Variants in RP1L1 observed in about 807,000 individuals in gnomAD.
The protein encoded by RP1L1 is RP1 like 1, also known as retinitis pigmentosa 1-like 1 protein.
Under a neutral mutation model 15.7 loss-of-function variants are expected in RP1L1, and 27 were observed. The observed-to-expected ratio is 1.72, with a 90% CI of 1.27 to 2.38. RP1L1 has a LOEUF of 2.38. RP1L1 is among the 30% of genes most tolerant of loss of function. The probability of loss-of-function intolerance (pLI) is 0.00; values close to 1 mark genes in which losing one functional copy is unlikely to be tolerated. For synonymous variants in RP1L1, 1,813 were observed against 1,276.7 expected, an observed-to-expected ratio of 1.42 and a Z score of -8.96; for missense variants, 4,798 against 3,075.9, an observed-to-expected ratio of 1.56 and a Z score of -13.24.
At chr8:10,651,231 T>G (rs1798555442) in intron 1 of RP1L1, among the ~76,000 whole-genome samples, 1 of 152,158 alleles carries the variant, frequency 6.6e-6, no homozygotes, top group African/African-American at 2.4e-5. Flanking sequence ...GTCTTACAAA[T>G]GCAAATTACC....
At chr8:10,625,895 G>C (rs577839806) in intron 1 of RP1L1, among the ~76,000 whole-genome samples, 10 of 152,150 alleles carry the variant, frequency 6.6e-5, no homozygotes, top group Admixed American at 2.6e-4. Flanking sequence ...CAGTGCAGGT[G>C]GGGGGCAGGC....
At chr8:10,629,721 G>A (rs1798211803) in intron 1 of RP1L1, among the ~76,000 whole-genome samples, 1 of 152,046 alleles carries the variant, frequency 6.6e-6, no homozygotes, top group Non-Finnish European at 1.5e-5. Context: ...CTGGCATGGG[G>A]GCTCCATGGT....
In RP1L1 at chr8:10,611,510, G is replaced by A. The variant is rs752407355; in HGVS notation, c.2588C>T (p.Pro863Leu). 8 of 1,578,656 alleles carry A rather than the reference G, an allele frequency of 5.1e-6. No individual in the cohort carries two copies. Among genetic ancestry groups the A allele is most frequent in the Non-Finnish European group, 6.9e-6 (8 of 1,164,008 alleles). ...CCCACAGCTGGAAGAGCGCCTCTGG[G>A]GGCAGGGCCGCCCCCTGGGCGGGGT... is the stretch of plus-strand genomic sequence containing the variant. ...CPTPPRGRPC[P>L]QRRSSSCGST... Residue 863 changes from proline (P) to leucine (L), a missense_variant, in exon 4 of 4, where the codon CCC (proline) becomes CTC (leucine). Coordinates refer to ENST00000382483, the MANE Select transcript of RP1L1 (RefSeq NM_178857.6).
rs1298179320 is a variant in RP1L1 at position 10,609,932 on chromosome 8, G to A, written c.4166C>T (p.Ala1389Val). Residue 1389 changes from alanine to valine, a missense_variant, in exon 4 of 4, where the codon GCT becomes GTT. Ala to Val is a moderately conservative substitution (Grantham distance 64). Coordinates refer to ENST00000382483, the MANE Select transcript of RP1L1 (RefSeq NM_178857.6). ...TTCCTCTTTGAGACCCTCTTCAAGA[G>A]CCTCTCCTTGCAGTCCTCCTTCTGG... ...EGPEGGLQGE[A>V]LEEGLKEEGL... 1.9e-6 allele frequency: 3 copies of A among 1,588,756 alleles called. No individual in the cohort carries two copies. Among genetic ancestry groups the A allele is most frequent in the Admixed American group, 1.7e-5 (1 of 58,698 alleles).
At chr8:10,615,165 C>G (rs1007507411) in intron 3 of RP1L1, among the ~76,000 whole-genome samples, 1 of 152,158 alleles carries the variant, frequency 6.6e-6, no homozygotes, top group Admixed American at 6.5e-5. Flanking sequence ...GATCACCGAG[C>G]CTGTCCCTTG....
At chr8:10,634,518 T>C (rs956606206) in intron 1 of RP1L1, among the ~76,000 whole-genome samples, 4 of 152,140 alleles carry the variant, frequency 2.6e-5, no homozygotes, top group Non-Finnish European at 4.4e-5. Context: ...TCAGGTCTGG[T>C]GTTGCTGTGT....
chr8:10,610,913 C>A lies in RP1L1; in HGVS notation c.3185G>T (p.Arg1062Ile). The A allele has an allele frequency of 6.2e-7, 1 of 1,610,974 alleles. No individual in the cohort carries two copies. Among genetic ancestry groups the A allele is most frequent in the Non-Finnish European group, 8.5e-7 (1 of 1,179,234 alleles). ...SEAPAEAGAD[R>I]EAPAGCRVSL... is the part of the protein sequence containing the mutation. ...CACCCTGCAGCCTGCTGGGGCCTCT[C>A]TGTCTGCTCCGGCCTCTGCAGGGGC... The change falls in exon 4 of 4, where the codon AGA becomes ATA. Residue 1062 changes from arginine to isoleucine, a missense_variant. By Grantham distance (97) the Arg-to-Ile change is moderately conservative (BLOSUM62 -3). Transcript: ENST00000382483.
At chr8:10,616,378 T>A (rs1346907091) in intron 3 of RP1L1, 68 bp downstream of exon 3, 1 of 1,603,658 alleles carries the variant, frequency 6.2e-7, no homozygotes, top group African/African-American at 1.3e-5. Context: ...CTGGAAGGCT[T>A]TCCACTCAGC....
rs1266383268 is a variant in RP1L1 at position 10,611,908 on chromosome 8, C to G, written c.2190G>C (p.Gln730His). ...TGGCACTGCTGGTTCCCAGAAGGTC[C>G]TGGGAAGGAAGAGAGCCCGAGGAGG... ...RPPSSGSLPS[Q>H]DLLGTSSATV... The change falls in exon 4 of 4, where the codon CAG (glutamine) becomes CAC (histidine). Residue 730 changes from glutamine (Q) to histidine (H), a missense_variant. Physicochemically the swap from Gln to His is conservative, Grantham distance 24 (BLOSUM62 0). Coordinates refer to ENST00000382483, the MANE Select transcript of RP1L1 (RefSeq NM_178857.6). 5 of 1,613,746 alleles carry G rather than the reference C, an allele frequency of 3.1e-6. No individual in the cohort carries two copies. The Admixed American group carries it at 8.3e-5, about 27-fold the overall frequency.
At position 10,611,605 on chromosome 8, in the gene RP1L1, C is replaced by CGT; in HGVS notation, c.2491_2492dup (p.Gln832ArgfsTer98). The CGT allele has an allele frequency of 6.2e-7, 1 of 1,612,336 alleles. No homozygotes were observed. The highest frequency in any genetic ancestry group is 1.3e-5 in the African/African-American group (1 of 75,054). Reference sequence around the variant, plus strand: ...CCCGCTGGGCCTCTTGGGCCGGCTGCGTCCCAGGCTGTGAGCAGCAGTGGC... The same window carrying CGT: ...CCCGCTGGGCCTCTTGGGCCGGCTGCGTGTCCCAGGCTGTGAGCAGCAGTGGC... On this transcript the variant is annotated frameshift_variant, in exon 4 of 4. Coordinates refer to ENST00000382483, the MANE Select transcript of RP1L1 (RefSeq NM_178857.6). LOFTEE classifies it low-confidence loss of function (END_TRUNC).
chr8:10,613,953 T>C (rs75413818), intron 3 of RP1L1, among the ~76,000 whole-genome samples: 10,327 of 152,290 alleles, frequency 0.068, 493 homozygotes, highest in Non-Finnish European at 0.11. Context: ...GCAGAGCCTG[T>C]TTTCTGAACC....
rs201438192 is a variant in RP1L1, at chr8:10,607,822, C to T, written c.6276G>A (p.Gly2092=). Residue 2092 remains glycine (G), a synonymous_variant, in exon 4 of 4, where the codon GGG becomes GGA. Coordinates refer to ENST00000382483, the MANE Select transcript of RP1L1 (RefSeq NM_178857.6). ...CACCTTCTGATTCTGGCTGGGCCTC[C>T]CCTTCTGCCTCCTGGGCATCTACAT... ...SEDVDAQEAE[G]EAQPESEGVE... 6.5e-5 allele frequency: 104 copies of T among 1,592,410 alleles called. No homozygotes were observed. The African/African-American group carries it at 1.1e-3, about 16-fold the overall frequency.
chr8:10,630,725 T>C (rs1460817874), intron 1 of RP1L1, among the ~76,000 whole-genome samples: 1 of 152,234 alleles, frequency 6.6e-6, no homozygotes, highest in Non-Finnish European at 1.5e-5. Flanking sequence ...AATTCACGTC[T>C]TGCACAAAGA....
chr8:10,626,009 G>A (rs550543593), intron 1 of RP1L1, among the ~76,000 whole-genome samples: 77 of 152,200 alleles, frequency 5.1e-4, no homozygotes, highest in Middle Eastern at 3.4e-3. Flanking sequence ...TGTGGGAGGG[G>A]GTAGACGGAG....
At chr8:10,627,150 C>T (rs1440657685) in intron 1 of RP1L1, among the ~76,000 whole-genome samples, 2 of 152,096 alleles carry the variant, frequency 1.3e-5, no homozygotes, top group Non-Finnish European at 2.9e-5. Flanking sequence ...CCCAAAAGAA[C>T]TGAAAGCAGG....
Position 10,606,720 on chromosome 8 carries a change from C to G in RP1L1, c.*175G>C. 3 of 1,096,436 alleles carry G rather than the reference C, an allele frequency of 2.7e-6. No individual in the cohort carries two copies. The highest frequency in any genetic ancestry group is 3.8e-6 in the Non-Finnish European group (3 of 783,702). The allele number at this position is 1,096,436 out of a possible 1,614,324, so 67.9% of individuals were successfully genotyped here. A position where few individuals can be genotyped will look rare whatever the true frequency, so the allele number is the denominator to read the frequency against. On this transcript the variant is annotated 3_prime_UTR_variant, in exon 4 of 4. Transcript: ENST00000382483. ...CGGGCCGCAGAGCTCTCTGACACTT[C>G]TGGACTTAAGAGTCCCAGGACAGCA...
At chr8:10,625,643 C>A (rs528025552) in intron 1 of RP1L1, among the ~76,000 whole-genome samples, 41 of 152,322 alleles carry the variant, frequency 2.7e-4, no homozygotes, top group African/African-American at 9.9e-4. Context: ...CAGGGCAGGG[C>A]CTCATCAGGT....
chr8:10,620,752 G>A (rs983464450), intron 2 of RP1L1, among the ~76,000 whole-genome samples: 1 of 152,202 alleles, frequency 6.6e-6, no homozygotes, highest in East Asian at 1.9e-4. Flanking sequence ...GATTGTCTAA[G>A]GGGGAAATAG....
intron 1 of RP1L1, among the ~76,000 whole-genome samples, chr8:10,642,756 G>A (rs1164200983): frequency 2.0e-5 from 3 of 152,170 alleles, no homozygotes; most frequent in Non-Finnish European, 4.4e-5. Context: ...TTTGGTTGTG[G>A]TTAAGGGTAA....
Sources: allele counts gnomAD v4.1 joint callset (sites outside exome capture counted in the v4.1 genomes callset), GRCh38; gene constraint gnomAD v4.1.1; transcripts MANE v1.5; gene names NCBI Gene and HGNC (gene_info 2026-07-23, HGNC 2026-07-21).